The following CAMTA1 variants were observed in gnomAD, a reference collection of about 807,000 sequenced individuals.
CAMTA1 encodes the protein calmodulin-binding transcription activator 1.
A neutral mutation model predicts 170.9 loss-of-function variants in CAMTA1; 27 were observed. The observed-to-expected ratio is 0.16, with a 90% CI of 0.12 to 0.22. The LOEUF (loss-of-function observed/expected upper bound fraction) is 0.22. CAMTA1 is among the 10% of genes least tolerant of loss of function. CAMTA1 has a pLI of 1.00. For missense variants in CAMTA1, 1,619 were observed against 2,217.2 expected, an observed-to-expected ratio of 0.73 and a Z score of 5.42; for synonymous variants, 833 against 891.5, an observed-to-expected ratio of 0.93 and a Z score of 1.17.
In CAMTA1 at chr1:7,429,009, C is replaced by T. The variant is rs146298151; in HGVS notation, c.439-38821C>T. 3.3e-5 allele frequency among the ~76,000 whole-genome samples: 5 copies of T among 152,334 alleles called. No individual in the cohort carries two copies. In the East Asian group the frequency reaches 5.8e-4, roughly 18 times the overall value. ...CGAAATACCCAGCACCTCTAATGGA[C>T]GCCTCTAATGGAGAAGTTTCCTCCC... is the stretch of plus-strand genomic sequence containing the variant. On this transcript the variant is annotated intron_variant, in intron 5 of 22. Coordinates refer to ENST00000303635, the MANE Select transcript of CAMTA1 (RefSeq NM_015215.4).
chr1:7,420,395 G>A (rs570522813), intron 5 of CAMTA1, among the ~76,000 whole-genome samples: 12 of 152,046 alleles, frequency 7.9e-5, no homozygotes, highest in East Asian at 1.9e-4. Flanking sequence ...TCATTTGTTC[G>A]CTGTCTGTCT....
chr1:7,675,905 G>A lies in CAMTA1; in HGVS notation c.2780-1694G>A, dbSNP rs780055064. 4.0e-4 allele frequency among the ~76,000 whole-genome samples: 61 copies of A among 152,338 alleles called. 1 individual carries two copies. Among genetic ancestry groups the A allele is most frequent in the South Asian group, 1.5e-3 (7 of 4,822 alleles). On this transcript the variant is annotated intron_variant, in intron 10 of 22. Transcript: ENST00000303635. ...CCCTCTGCTCCGTCTCTCTGGGAAG[G>A]AAGAAATGCCTTGGAGTCTGCCACC...
intron 6 of CAMTA1, among the ~76,000 whole-genome samples, chr1:7,560,112 C>T (rs1463808070): frequency 6.6e-6 from 1 of 152,200 alleles, no homozygotes; most frequent in African/African-American, 2.4e-5. Context: ...GAGGGGGATT[C>T]TTCTCCTCTC....
chr1:7,310,666 TC>T (rs1406068116), intron 5 of CAMTA1, among the ~76,000 whole-genome samples: 20 of 47,666 alleles, frequency 4.2e-4, no homozygotes, highest in African/African-American at 2.4e-3. Flanking sequence ...TTTCTTTCTT[TC>T]TTTCCTTTCT....
Position 7,755,668 on chromosome 1 carries a change from G to A in CAMTA1, c.4989G>A (p.Arg1663=). Residue 1663 remains arginine, a splice_region_variant and synonymous_variant, in exon 22 of 23, where the codon AGG becomes AGA. Coordinates refer to ENST00000303635, the MANE Select transcript of CAMTA1 (RefSeq NM_015215.4). ...TGGTGGACCATAGGCTGTACAAAAG[G>A]GTGAGTTTAGCTGCCTGCTAGCCAG... is the stretch of plus-strand genomic sequence containing the variant. ...SPLVDHRLYK[R]SERIEKGQGT The A allele has an allele frequency of 6.2e-7, 1 of 1,613,634 alleles. No homozygotes were observed. Among genetic ancestry groups the A allele is most frequent in the East Asian group, 2.2e-5 (1 of 44,846 alleles).
At position 6,922,828 on chromosome 1, in the gene CAMTA1, G is replaced by A. The variant is rs548697649; in HGVS notation, c.234+97618G>A. Among the ~76,000 whole-genome samples, 4 of 152,026 alleles carry A rather than the reference G, an allele frequency of 2.6e-5. No homozygotes were observed. The South Asian group carries it at 6.3e-4, about 24-fold the overall frequency. On this transcript the variant is annotated intron_variant, in intron 3 of 22. Coordinates refer to ENST00000303635, the MANE Select transcript of CAMTA1 (RefSeq NM_015215.4). Reference sequence around the variant, plus strand: ...GGATCCAATAGGCTAAGTCCAAAGCGCCCTAGGGAGGGCCAGGTTTTAATT... The same window carrying A: ...GGATCCAATAGGCTAAGTCCAAAGCACCCTAGGGAGGGCCAGGTTTTAATT...
At chr1:6,856,020 T>C (rs369570647) in intron 3 of CAMTA1, among the ~76,000 whole-genome samples, 1 of 152,010 alleles carries the variant, frequency 6.6e-6, no homozygotes. Flanking sequence ...ACACAAAAGC[T>C]CTTCATGGGG....
At chr1:6,952,871 G>A (rs1688744760) in intron 3 of CAMTA1, among the ~76,000 whole-genome samples, 1 of 152,040 alleles carries the variant, frequency 6.6e-6, no homozygotes, top group African/African-American at 2.4e-5. Flanking sequence ...ATTATTAATT[G>A]CAGGGAACTT....
intron 5 of CAMTA1, among the ~76,000 whole-genome samples, chr1:7,390,447 G>A (rs769038038): frequency 2.0e-5 from 3 of 152,198 alleles, no homozygotes; most frequent in African/African-American, 4.8e-5. Flanking sequence ...AAAGGAGCCC[G>A]CAGATCCCAC....
intron 3 of CAMTA1, among the ~76,000 whole-genome samples, chr1:6,940,009 G>A (rs11120790): frequency 6.6e-6 from 1 of 152,096 alleles, no homozygotes; most frequent in Admixed American, 6.5e-5. Context: ...ACAGCTCTAC[G>A]TGGCCACATG....
intron 5 of CAMTA1, among the ~76,000 whole-genome samples, chr1:7,454,259 C>T (rs1006628586): frequency 6.6e-6 from 1 of 152,050 alleles, no homozygotes; most frequent in Non-Finnish European, 1.5e-5. Context: ...ACTAGGTGGC[C>T]GCCTGAGCCA....
At chr1:7,663,293 T>C (rs1247581493) in intron 8 of CAMTA1, 60 bp from the exon 9 acceptor site, 2 of 1,505,232 alleles carry the variant, frequency 1.3e-6, no homozygotes, top group African/African-American at 2.8e-5. Context: ...TGTGTGTGCA[T>C]GTGTGTGTGC....
At chr1:7,737,871 T>C in intron 15 of CAMTA1, 88 bp from the exon 16 acceptor site, 6 of 1,371,700 alleles carry the variant, frequency 4.4e-6, no homozygotes, top group Non-Finnish European at 6.0e-6. Context: ...TTGCACTTTG[T>C]GTCTCTCAGG....
chr1:7,520,218 T>A (rs867325161), intron 6 of CAMTA1, among the ~76,000 whole-genome samples: 1 of 202 alleles, frequency 5.0e-3, no homozygotes, highest in Admixed American at 0.056. Flanking sequence ...CTCCTCCTCC[T>A]CCTCCTCCTC....
intron 4 of CAMTA1, among the ~76,000 whole-genome samples, chr1:7,181,564 T>C (rs528386905): frequency 1.3e-5 from 2 of 152,298 alleles, no homozygotes; most frequent in African/African-American, 4.8e-5. Context: ...ATAGAACTTA[T>C]TAACTTTCTT....
chr1:6,819,926 A>G (rs1310679974), intron 1 of CAMTA1, among the ~76,000 whole-genome samples: 1 of 152,216 alleles, frequency 6.6e-6, no homozygotes, highest in Non-Finnish European at 1.5e-5. Flanking sequence ...ATATCTAATC[A>G]GAACCTTGGG....
intron 6 of CAMTA1, among the ~76,000 whole-genome samples, chr1:7,530,117 G>C (rs1041364685): frequency 1.3e-5 from 2 of 152,108 alleles, no homozygotes; most frequent in Non-Finnish European, 2.9e-5. Flanking sequence ...CTGGCACCTC[G>C]GCACCCTGCC....
At chr1:7,687,135 C>T (rs1016680298) in intron 11 of CAMTA1, among the ~76,000 whole-genome samples, 10 of 151,630 alleles carry the variant, frequency 6.6e-5, no homozygotes, top group African/African-American at 1.7e-4. Flanking sequence ...GGTCTGAGCA[C>T]GAAGACTCCG....
rs559153224 is a variant in CAMTA1 at position 7,656,539 on chromosome 1, T to C, written c.665-5187T>C. Among the ~76,000 whole-genome samples the C allele has an allele frequency of 2.0e-5, 3 of 152,288 alleles. No individual in the cohort carries two copies. In the South Asian group the frequency reaches 6.2e-4, roughly 32 times the overall value. Reference sequence around the variant, plus strand: ...TTAGGGCTTCAACCTATGGATTTGGTGGGGGACACAATTCAGTTCATGACA... The same window carrying C: ...TTAGGGCTTCAACCTATGGATTTGGCGGGGGACACAATTCAGTTCATGACA... On this transcript the variant is annotated intron_variant, in intron 7 of 22. Transcript: ENST00000303635.
Sources: gnomAD v4.1 joint callset for allele counts (sites outside exome capture counted in the v4.1 genomes callset) on GRCh38, gnomAD v4.1.1 for gene constraint, MANE v1.5 for transcripts, NCBI Gene and HGNC (gene_info 2026-07-23, HGNC 2026-07-21) for gene names.